The following ATF1 variants were observed in gnomAD, a reference collection of about 807,000 sequenced individuals.
The protein encoded by ATF1 is activating transcription factor 1, also known as cyclic AMP-dependent transcription factor ATF-1.
ATF1 carries 16 observed loss-of-function variants against 34.7 expected under a neutral mutation model. That is an observed-to-expected ratio of 0.46 (90% CI 0.31 to 0.70). ATF1 has a LOEUF of 0.70. Ranked by LOEUF, ATF1 falls within the 30% of genes least tolerant of loss-of-function variation. ATF1 has a pLI of 0.05. For missense variants in ATF1, 255 were observed against 321.6 expected, an observed-to-expected ratio of 0.79 and a Z score of 1.58; for synonymous variants, 105 against 113.1, an observed-to-expected ratio of 0.93 and a Z score of 0.46.
chr12:50,774,742 TTTTG>T (rs746191225), intron 1 of ATF1, among the ~76,000 whole-genome samples: 2 of 146,038 alleles, frequency 1.4e-5, no homozygotes, highest in African/African-American at 5.4e-5. Flanking sequence ...AGTTTTTTGT[TTTTG>T]TTTTTGTTTT....
At position 50,814,123 on chromosome 12, in the gene ATF1, A is replaced by G; in HGVS notation, c.442A>G (p.Ile148Val). 4.3e-6 allele frequency: 7 copies of G among 1,614,256 alleles called. No individual in the cohort carries two copies. The highest frequency in any genetic ancestry group is 5.1e-6 in the Non-Finnish European group (6 of 1,180,042). Residue 148 changes from isoleucine to valine, a missense_variant, in exon 5 of 7, where the codon ATT becomes GTT. By Grantham distance (29) the Ile-to-Val change is conservative (BLOSUM62 3). Coordinates refer to ENST00000262053, the MANE Select transcript of ATF1 (RefSeq NM_005171.5). ...AGGCAGTACTCAGCAAGGTACAACT[A>G]TTCTTCAGTATGCACAGACCTCTGA... is the stretch of plus-strand genomic sequence containing the variant. ...NSGSTQQGTT[I>V]LQYAQTSDGQ...
At chr12:50,773,418 CAA>C (rs1940828508) in intron 1 of ATF1, among the ~76,000 whole-genome samples, 1 of 148,728 alleles carries the variant, frequency 6.7e-6, no homozygotes, top group Non-Finnish European at 1.5e-5. Flanking sequence ...CAAACCTCGC[CAA>C]CTGTTGACTT....
intron 6 of ATF1, among the ~76,000 whole-genome samples, chr12:50,819,024 A>AAAG (rs1941897094): frequency 6.6e-6 from 1 of 152,250 alleles, no homozygotes; most frequent in African/African-American, 2.4e-5. Flanking sequence ...AACTTAAATA[A>AAAG]AAGAAGTCAT....
In ATF1 at chr12:50,814,343, A is replaced by C. The variant is rs753668650; in HGVS notation, c.575A>C (p.Gln192Pro). 8.7e-6 allele frequency: 14 copies of C among 1,614,190 alleles called. No individual in the cohort carries two copies. The highest frequency in any genetic ancestry group is 1.2e-5 in the Non-Finnish European group (14 of 1,180,008). Residue 192 changes from glutamine to proline, a missense_variant, in exon 6 of 7, where the codon CAA becomes CCA. Transcript: ENST00000262053. ...ACACCTTCAGCTACTTCTCTGCCAC[A>C]AACTGTGGTGATGACATCTCCTGTG... ...RTTPSATSLPQTVVMTSPVTL... is the reference protein window; with the variant it reads ...RTTPSATSLPPTVVMTSPVTL...
rs780465497 is a variant in ATF1, at chr12:50,814,393, A to G, written c.625A>G (p.Thr209Ala). Residue 209 changes from threonine (T) to alanine (A), a missense_variant, in exon 6 of 7, where the codon ACA (threonine) becomes GCA (alanine). By Grantham distance (58) the Thr-to-Ala change is moderately conservative (BLOSUM62 0). Transcript: ENST00000262053. ...GACTCTCACCTCTCAGACAACTAAG[A>G]CAGATGACCCCCAATTGAAAAGAGA... ...PVTLTSQTTKTDDPQLKREIR... is the reference protein window; with the variant it reads ...PVTLTSQTTKADDPQLKREIR... 4 of 1,614,108 alleles carry G rather than the reference A, an allele frequency of 2.5e-6. No individual in the cohort carries two copies. Among genetic ancestry groups the G allele is most frequent in the Admixed American group, 3.3e-5 (2 of 60,006 alleles).
chr12:50,792,439 C>T (rs939937358), intron 2 of ATF1, among the ~76,000 whole-genome samples: 1 of 152,142 alleles, frequency 6.6e-6, no homozygotes, highest in African/African-American at 2.4e-5. Flanking sequence ...GACAATTATA[C>T]GTCTTCCTGG....
intron 3 of ATF1, among the ~76,000 whole-genome samples, chr12:50,796,244 C>A (rs1476666305): frequency 6.6e-6 from 1 of 151,644 alleles, no homozygotes; most frequent in East Asian, 2.0e-4. Context: ...AAAATACAAA[C>A]CTTAGCTGGA....
At chr12:50,784,437 T>C in intron 2 of ATF1, among the ~76,000 whole-genome samples, 1 of 152,158 alleles carries the variant, frequency 6.6e-6, no homozygotes, top group East Asian at 1.9e-4. Flanking sequence ...TGTTCAATTA[T>C]ATGGACCAAC....
At chr12:50,815,950 T>A (rs1297401202) in intron 6 of ATF1, among the ~76,000 whole-genome samples, 6 of 152,174 alleles carry the variant, frequency 3.9e-5, no homozygotes, top group Non-Finnish European at 5.9e-5. Context: ...GGTCAGTATC[T>A]TAAGTGAAAT....
chr12:50,810,646 G>A (rs1352131377), intron 4 of ATF1, among the ~76,000 whole-genome samples: 1 of 152,180 alleles, frequency 6.6e-6, no homozygotes, highest in Non-Finnish European at 1.5e-5. Flanking sequence ...TCAAGATTGA[G>A]TTCTGTCACC....
chr12:50,809,831 G>GTTTTA (rs1941697148), intron 4 of ATF1, among the ~76,000 whole-genome samples: 2 of 152,102 alleles, frequency 1.3e-5, no homozygotes, highest in South Asian at 2.1e-4. Flanking sequence ...GTTTTGTTTT[G>GTTTTA]TTTTGTTTTG....
chr12:50,793,993 C>T (rs1464016456), intron 2 of ATF1, among the ~76,000 whole-genome samples: 1 of 151,784 alleles, frequency 6.6e-6, no homozygotes, highest in East Asian at 2.0e-4. Flanking sequence ...CTGTGTTGCC[C>T]AGGCTGGAGT....
chr12:50,792,867 TAA>T (rs1303988646), intron 2 of ATF1, among the ~76,000 whole-genome samples: 1 of 152,130 alleles, frequency 6.6e-6, no homozygotes, highest in Non-Finnish European at 1.5e-5. Context: ...GGAGGTCAAA[TAA>T]AAGAGTTCTC....
chr12:50,820,039 T>G lies in ATF1; in HGVS notation c.*260T>G. On this transcript the variant is annotated 3_prime_UTR_variant, in exon 7 of 7. Transcript: ENST00000262053. Reference sequence around the variant, plus strand: ...AAATGAACTTTCAGCAGTCTAAATTTTCTAAATAACCAATAGTTGCCAATC... The same window carrying G: ...AAATGAACTTTCAGCAGTCTAAATTGTCTAAATAACCAATAGTTGCCAATC... 1 of 299,910 alleles carries G rather than the reference T, an allele frequency of 3.3e-6. No homozygotes were observed. Among genetic ancestry groups the G allele is most frequent in the Admixed American group, 4.7e-5 (1 of 21,062 alleles). 18.6% of individuals were successfully genotyped at this position (299,910 alleles called of 1,614,324 possible).
intron 1 of ATF1, among the ~76,000 whole-genome samples, chr12:50,769,027 TACTA>T (rs553828195): frequency 2.0e-5 from 3 of 152,202 alleles, no homozygotes; most frequent in Non-Finnish European, 4.4e-5. Context: ...TAAAATTGCT[TACTA>T]ACCAGGGTTT....
At chr12:50,783,237 A>G (rs1028936509) in intron 2 of ATF1, among the ~76,000 whole-genome samples, 54 of 151,972 alleles carry the variant, frequency 3.6e-4, no homozygotes, top group African/African-American at 1.3e-3. Flanking sequence ...TGAGAATGTC[A>G]AAAGGATTTG....
chr12:50,791,976 G>T (rs1397502462), intron 2 of ATF1, among the ~76,000 whole-genome samples: 1 of 151,924 alleles, frequency 6.6e-6, no homozygotes, highest in Non-Finnish European at 1.5e-5. Context: ...TTTGTCTCTT[G>T]GTTTCTTGGT....
chr12:50,774,388 A>G (rs1373942276), intron 1 of ATF1, among the ~76,000 whole-genome samples: 1 of 152,112 alleles, frequency 6.6e-6, no homozygotes, highest in Non-Finnish European at 1.5e-5. Flanking sequence ...TATGTCAGCA[A>G]GATCTCAGCC....
intron 1 of ATF1, among the ~76,000 whole-genome samples, chr12:50,767,199 A>G (rs2139631946): frequency 6.7e-6 from 1 of 149,498 alleles, no homozygotes; most frequent in African/African-American, 2.5e-5. Flanking sequence ...CTCTCACTGT[A>G]CAAATGGTTA....
Sources: gnomAD v4.1 joint callset for allele counts (sites outside exome capture counted in the v4.1 genomes callset) on GRCh38, gnomAD v4.1.1 for gene constraint, MANE v1.5 for transcripts, NCBI Gene and HGNC (gene_info 2026-07-23, HGNC 2026-07-21) for gene names.